CSMD1: variants seen among roughly 807,000 people sequenced by gnomAD.
The protein encoded by CSMD1 is CUB and sushi domain-containing protein 1.
In CSMD1, 213 loss-of-function variants were observed where a neutral mutation model predicts 417.5. The observed-to-expected ratio is 0.51, with a 90% CI of 0.46 to 0.57. The LOEUF is 0.57. CSMD1 is among the 20% of genes least tolerant of loss of function. CSMD1 has a pLI of 0.00. For synonymous variants in CSMD1, 2,862 were observed against 1,736.8 expected (o/e 1.65, Z -16.11); for missense variants, 6,923 against 4,529.7 (o/e 1.53, Z -15.17).
chr8:4,195,966 C>G (rs1799316063), intron 3 of CSMD1, among the ~76,000 whole-genome samples: 1 of 151,926 alleles, frequency 6.6e-6, no homozygotes, highest in African/African-American at 2.4e-5. Flanking sequence ...AATCCCAACA[C>G]TTTGGGGCAC....
chr8:4,083,262 C>G (rs1035150624), intron 3 of CSMD1, among the ~76,000 whole-genome samples: 4 of 152,188 alleles, frequency 2.6e-5, no homozygotes, highest in Non-Finnish European at 5.9e-5. Flanking sequence ...TTCTCCACAA[C>G]CTCTCCAGCA....
At chr8:4,318,030 A>G (rs1352716173) in intron 3 of CSMD1, among the ~76,000 whole-genome samples, 3 of 152,198 alleles carry the variant, frequency 2.0e-5, no homozygotes, top group Non-Finnish European at 4.4e-5. Flanking sequence ...TAATTCTATT[A>G]GCAATATATA....
chr8:3,778,784 T>G (rs1799025927), intron 5 of CSMD1, among the ~76,000 whole-genome samples: 2 of 152,204 alleles, frequency 1.3e-5, no homozygotes, highest in African/African-American at 4.8e-5. Flanking sequence ...TCATGGAGCC[T>G]TGTTTCATGC....
intron 3 of CSMD1, among the ~76,000 whole-genome samples, chr8:4,167,680 A>G (rs1563214014): frequency 6.6e-6 from 1 of 152,208 alleles, no homozygotes; most frequent in Non-Finnish European, 1.5e-5. Flanking sequence ...TATTGGTTAT[A>G]TGATCAATTT....
intron 33 of CSMD1, among the ~76,000 whole-genome samples, chr8:3,195,594 C>G (rs1173180170): frequency 6.6e-6 from 1 of 152,124 alleles, no homozygotes; most frequent in Non-Finnish European, 1.5e-5. Flanking sequence ...ACAAAGATCC[C>G]TAAACCTGTA....
intron 1 of CSMD1, among the ~76,000 whole-genome samples, chr8:4,677,494 T>A (rs563572873): frequency 1.3e-5 from 2 of 152,184 alleles, no homozygotes; most frequent in Admixed American, 6.5e-5. Context: ...CATTTTTATA[T>A]GTTCAAGCCA....
intron 5 of CSMD1, among the ~76,000 whole-genome samples, chr8:3,847,589 CTG>C (rs1803595000): frequency 6.6e-6 from 1 of 152,068 alleles, no homozygotes; most frequent in Non-Finnish European, 1.5e-5. Context: ...TGAGAGAAGA[CTG>C]GGGTAAGGGG....
Position 4,239,757 on chromosome 8 carries a change from T to C in CSMD1, c.415+180196A>G, listed in dbSNP as rs78683496. ...AAGGTGGGTGGTGGTTTCTTAATGA[T>C]GACAATGGTCTATCTTTCACGTTAG... On this transcript the variant is annotated intron_variant, in intron 3 of 69. Coordinates refer to ENST00000635120, the MANE Select transcript of CSMD1 (RefSeq NM_033225.6). Among the ~76,000 whole-genome samples, 61 of 152,308 alleles carry C rather than the reference T, an allele frequency of 4.0e-4. 1 individual carries two copies. The highest frequency in any genetic ancestry group is 1.4e-3 in the African/African-American group (59 of 41,580).
At chr8:3,021,033 A>G (rs1281951984) in intron 51 of CSMD1, among the ~76,000 whole-genome samples, 1 of 152,208 alleles carries the variant, frequency 6.6e-6, no homozygotes, top group East Asian at 1.9e-4. Context: ...ATTTGTAGCA[A>G]TTTAAGATAA....
chr8:3,972,400 T>G (rs1563270133), intron 5 of CSMD1, among the ~76,000 whole-genome samples: 1 of 152,206 alleles, frequency 6.6e-6, no homozygotes, highest in Non-Finnish European at 1.5e-5. Context: ...ACAAGTATAT[T>G]AGAAAGTCAA....
chr8:4,768,544 G>C (rs1449809359), intron 1 of CSMD1, among the ~76,000 whole-genome samples: 1 of 152,178 alleles, frequency 6.6e-6, no homozygotes, highest in African/African-American at 2.4e-5. Flanking sequence ...ATTTGTTTGA[G>C]CCTCTTCTGT....
chr8:4,474,748 T>C (rs1800710619), intron 2 of CSMD1, among the ~76,000 whole-genome samples: 1 of 152,122 alleles, frequency 6.6e-6, no homozygotes, highest in African/African-American at 2.4e-5. Context: ...AGACAGCAAA[T>C]ACCACACCTC....
intron 5 of CSMD1, among the ~76,000 whole-genome samples, chr8:3,933,290 C>T (rs1017473879): frequency 1.3e-5 from 2 of 152,130 alleles, no homozygotes; most frequent in Non-Finnish European, 1.5e-5. Flanking sequence ...GCTTTATTCA[C>T]TTTAAAATAT....
At chr8:4,044,659 T>C (rs1237581912) in intron 3 of CSMD1, among the ~76,000 whole-genome samples, 1 of 152,160 alleles carries the variant, frequency 6.6e-6, no homozygotes, top group Admixed American at 6.5e-5. Flanking sequence ...TGTACCACCC[T>C]GGGCGTGTAC....
intron 3 of CSMD1, among the ~76,000 whole-genome samples, chr8:4,225,913 T>G (rs1353946424): frequency 1.3e-5 from 2 of 152,230 alleles, no homozygotes; most frequent in Non-Finnish European, 2.9e-5. Context: ...TATAATTGTC[T>G]AATAATTTCT....
chr8:3,840,168 T>G (rs1803029119), intron 5 of CSMD1, among the ~76,000 whole-genome samples: 1 of 152,132 alleles, frequency 6.6e-6, no homozygotes, highest in African/African-American at 2.4e-5. Context: ...TCAACATGCC[T>G]AAGCTATCAA....
intron 2 of CSMD1, among the ~76,000 whole-genome samples, chr8:4,609,293 C>G (rs1273069257): frequency 1.3e-5 from 2 of 152,026 alleles, no homozygotes; most frequent in East Asian, 1.9e-4. Context: ...CCCAGCTACT[C>G]AGGAGGCTGA....
chr8:4,797,071 G>GT (rs1798019965), intron 1 of CSMD1, among the ~76,000 whole-genome samples: 1 of 152,158 alleles, frequency 6.6e-6, no homozygotes, highest in Non-Finnish European at 1.5e-5. Context: ...TTCTGTCCAT[G>GT]TGTTCTGGAA....
At chr8:4,563,786 G>C (rs1798459069) in intron 2 of CSMD1, among the ~76,000 whole-genome samples, 1 of 152,102 alleles carries the variant, frequency 6.6e-6, no homozygotes, top group African/African-American at 2.4e-5. Context: ...TGTCCTAAAT[G>C]TTTCTGTCCC....
Sources: gnomAD v4.1 joint callset for allele counts (sites outside exome capture counted in the v4.1 genomes callset) on GRCh38, gnomAD v4.1.1 for gene constraint, MANE v1.5 for transcripts, NCBI Gene and HGNC (gene_info 2026-07-23, HGNC 2026-07-21) for gene names.